The following CHN2 variants were observed in gnomAD, a reference collection of about 807,000 sequenced individuals.
CHN2 encodes the protein chimerin 2.
Under a neutral mutation model 56.3 loss-of-function variants are expected in CHN2, and 35 were observed. The observed-to-expected ratio is 0.62, with a 90% CI of 0.47 to 0.82. CHN2 has a LOEUF of 0.82. Among genes scored for constraint, CHN2 ranks in the 40% least tolerant of loss-of-function variants. The probability of loss-of-function intolerance (pLI) is 0.00; values close to 1 mark genes in which losing one functional copy is unlikely to be tolerated. For synonymous variants in CHN2, 210 were observed against 212.8 expected, an observed-to-expected ratio of 0.99 and a Z score of 0.12; for missense variants, 491 against 580.5, an observed-to-expected ratio of 0.85 and a Z score of 1.58.
chr7:29,296,392 C>T (rs1793164081), intron 1 of CHN2, among the ~76,000 whole-genome samples: 1 of 151,874 alleles, frequency 6.6e-6, no homozygotes, highest in Admixed American at 6.6e-5. Flanking sequence ...GCCGTAATCA[C>T]CTTTTAAAAA....
At chr7:29,262,385 A>C (rs1239526909) in intron 1 of CHN2, among the ~76,000 whole-genome samples, 1 of 152,234 alleles carries the variant, frequency 6.6e-6, no homozygotes, top group African/African-American at 2.4e-5. Context: ...TTACAAAAGT[A>C]ACCCTTGTGG....
chr7:29,507,102 G>T, intron 10 of CHN2, 126 bp from the exon 11 acceptor site: 1 of 820,326 alleles, frequency 1.2e-6, no homozygotes, highest in Non-Finnish European at 1.9e-6. Flanking sequence ...GTTACTAGAA[G>T]CCAAAAGAGT....
At chr7:29,160,957 A>C (rs1795094875) in intron 2 of CHN2, among the ~76,000 whole-genome samples, 1 of 152,202 alleles carries the variant, frequency 6.6e-6, no homozygotes, top group Non-Finnish European at 1.5e-5. Context: ...ATTAAGAACA[A>C]GTGTCATTTT....
At chr7:29,438,437 C>T (rs73306884) in intron 6 of CHN2, among the ~76,000 whole-genome samples, 12,541 of 152,128 alleles carry the variant, frequency 0.082, 995 homozygotes, top group African/African-American at 0.21. Context: ...TTAATGGCTG[C>T]GTAGCAATTC....
intron 1 of CHN2, among the ~76,000 whole-genome samples, chr7:29,297,274 C>G (rs116671998): frequency 0.017 from 2,547 of 152,292 alleles, 78 homozygotes; most frequent in African/African-American, 0.057. Context: ...TGGCCTCACC[C>G]CCCATTCTCC....
intron 6 of CHN2, among the ~76,000 whole-genome samples, chr7:29,443,055 C>T (rs1783779326): frequency 6.7e-6 from 1 of 149,992 alleles, no homozygotes; most frequent in Admixed American, 6.6e-5. Context: ...ATTCTCCTGC[C>T]TCAGCCTCCC....
At chr7:29,497,240 A>G (rs1323520838) in intron 8 of CHN2, among the ~76,000 whole-genome samples, 2 of 152,158 alleles carry the variant, frequency 1.3e-5, no homozygotes, top group Non-Finnish European at 2.9e-5. Flanking sequence ...AGGAGCCACA[A>G]CGTATCTCCC....
chr7:29,213,618 T>C (rs1785125961), intron 1 of CHN2, among the ~76,000 whole-genome samples: 1 of 152,218 alleles, frequency 6.6e-6, no homozygotes, highest in African/African-American at 2.4e-5. Flanking sequence ...GAGGCTTTAC[T>C]TATTTTTTAA....
chr7:29,303,888 C>G (rs112033579), intron 1 of CHN2, among the ~76,000 whole-genome samples: 2,978 of 152,174 alleles, frequency 0.02, 105 homozygotes, highest in African/African-American at 0.069. Context: ...GGTGAAACCC[C>G]ATCTCTACTA....
At chr7:29,223,086 C>T (rs1449403676) in intron 1 of CHN2, among the ~76,000 whole-genome samples, 1 of 152,118 alleles carries the variant, frequency 6.6e-6, no homozygotes, top group Non-Finnish European at 1.5e-5. Flanking sequence ...TCACAGTTTA[C>T]TGTAAACATA....
chr7:29,390,979 G>A (rs1429961759), intron 3 of CHN2, among the ~76,000 whole-genome samples: 1 of 152,194 alleles, frequency 6.6e-6, no homozygotes, highest in Non-Finnish European at 1.5e-5. Context: ...TTAAAGCTTA[G>A]TGAAGTATAG....
At chr7:29,378,800 T>C (rs757859558) in intron 3 of CHN2, among the ~76,000 whole-genome samples, 10 of 152,096 alleles carry the variant, frequency 6.6e-5, no homozygotes, top group Admixed American at 5.9e-4. Context: ...CCCATCTTTA[T>C]TGAAAATATG....
chr7:29,472,614 T>A (rs1336143118), intron 6 of CHN2, among the ~76,000 whole-genome samples: 4 of 151,752 alleles, frequency 2.6e-5, no homozygotes, highest in African/African-American at 9.7e-5. Context: ...TGCTAACTCT[T>A]CATAAAAGTC....
intron 6 of CHN2, among the ~76,000 whole-genome samples, chr7:29,442,390 T>C (rs1056863136): frequency 6.6e-6 from 1 of 152,172 alleles, no homozygotes; most frequent in African/African-American, 2.4e-5. Flanking sequence ...GGCTGCTCTG[T>C]GCAGGGTTGA....
At chr7:29,493,904 T>G (rs1000782660) in intron 7 of CHN2, among the ~76,000 whole-genome samples, 2 of 152,234 alleles carry the variant, frequency 1.3e-5, no homozygotes, top group African/African-American at 4.8e-5. Flanking sequence ...CTCCAAGAAC[T>G]TCCTACTGTA....
At chr7:29,350,234 T>C (rs1797779181) in intron 1 of CHN2, among the ~76,000 whole-genome samples, 1 of 152,196 alleles carries the variant, frequency 6.6e-6, no homozygotes, top group Non-Finnish European at 1.5e-5. Context: ...TCATTCTGCA[T>C]TTCATTTTCC....
At chr7:29,430,579 A>C (rs1483312599) in intron 6 of CHN2, among the ~76,000 whole-genome samples, 1 of 152,158 alleles carries the variant, frequency 6.6e-6, no homozygotes, top group Non-Finnish European at 1.5e-5. Context: ...ACAACTGGCC[A>C]CATTTGGTTG....
At chr7:29,205,236 T>A (rs1290864452) in intron 1 of CHN2, among the ~76,000 whole-genome samples, 2 of 152,172 alleles carry the variant, frequency 1.3e-5, no homozygotes, top group Non-Finnish European at 2.9e-5. Flanking sequence ...TGGTGTTTCT[T>A]CCTATTGCTT....
chr7:29,278,091 C>A (rs12671337), intron 1 of CHN2, among the ~76,000 whole-genome samples: 5,123 of 152,256 alleles, frequency 0.034, 111 homozygotes, highest in East Asian at 0.077. Context: ...ACGTATTCAG[C>A]CCAGGCAGAA....
Sources: allele counts gnomAD v4.1 joint callset (sites outside exome capture counted in the v4.1 genomes callset), GRCh38; gene constraint gnomAD v4.1.1; transcripts MANE v1.5; gene names NCBI Gene and HGNC (gene_info 2026-07-23, HGNC 2026-07-21).